The following KPNB1 variants were observed in gnomAD, a reference collection of about 807,000 sequenced individuals.
The protein encoded by KPNB1 is karyopherin subunit beta 1.
In KPNB1, 7 loss-of-function variants were observed where a neutral mutation model predicts 113.0. The observed-to-expected ratio is 0.06, with a 90% confidence interval of 0.04 to 0.12. The LOEUF (loss-of-function observed/expected upper bound fraction) is 0.12. Among genes scored for constraint, KPNB1 ranks in the 10% least tolerant of loss-of-function variants. KPNB1 has a pLI of 1.00. For missense variants in KPNB1, 400 were observed against 1,054.8 expected (o/e 0.38, Z 8.60); for synonymous variants, 363 against 378.6 (o/e 0.96, Z 0.48).
intron 10 of KPNB1, 68 bp from the exon 11 acceptor site, chr17:47,669,610 C>A: frequency 1.7e-6 from 2 of 1,191,422 alleles, no homozygotes; most frequent in Non-Finnish European, 1.2e-6. Flanking sequence ...GTATTTCTTT[C>A]TCTGGGGTAG....
chr17:47,680,160 C>A, intron 20 of KPNB1, 26 bp downstream of exon 20: 1 of 1,398,940 alleles, frequency 7.1e-7, no homozygotes, highest in Non-Finnish European at 1.0e-6. Context: ...CTTCTAAGAG[C>A]TGAATAGAAC....
intron 11 of KPNB1, chr17:47,670,176 G>A (rs2030405166): frequency 3.0e-6 from 1 of 328,806 alleles, no homozygotes; most frequent in Non-Finnish European, 5.8e-6. Context: ...AGAGTTTTTG[G>A]CTGTAAGAAG....
rs1436940918 is a variant in KPNB1, at chr17:47,669,681, A to G, written c.1228A>G (p.Met410Val). 1.9e-6 allele frequency: 3 copies of G among 1,591,514 alleles called. No individual in the cohort carries two copies. The highest frequency in any genetic ancestry group is 2.6e-6 in the Non-Finnish European group (3 of 1,160,776). The change falls in exon 11 of 22, where the codon ATG becomes GTG. Residue 410 changes from methionine to valine, a missense_variant. Coordinates refer to ENST00000290158, the MANE Select transcript of KPNB1 (RefSeq NM_002265.6). ...CTAATAACTGTTATATTTTCAGGCT[A>G]TGCCCACCCTAATAGAATTAATGAA... is the stretch of plus-strand genomic sequence containing the variant. Reference protein sequence around the residue: ...SQLKPLVIQAMPTLIELMKDP... With the variant: ...SQLKPLVIQAVPTLIELMKDP...
In KPNB1 at chr17:47,668,330, T is replaced by C; in HGVS notation, c.1144T>C (p.Tyr382His). ...KEHIKNPDWR[Y>H]RDAAVMAFGC... Reference sequence around the variant, plus strand: ...ACACATCAAGAACCCAGATTGGCGGTACCGGGATGCAGCAGTGATGGCTTT... The same window carrying C: ...ACACATCAAGAACCCAGATTGGCGGCACCGGGATGCAGCAGTGATGGCTTT... Residue 382 changes from tyrosine (Y) to histidine (H), a missense_variant, in exon 10 of 22, where the codon TAC becomes CAC. Transcript: ENST00000290158. 1 of 1,614,166 alleles carries C rather than the reference T, an allele frequency of 6.2e-7. No homozygotes were observed. Among genetic ancestry groups the C allele is most frequent in the East Asian group, 2.2e-5 (1 of 44,874 alleles).
At position 47,668,368 on chromosome 17, in the gene KPNB1, G is replaced by A. The variant is rs1438656220; in HGVS notation, c.1182G>A (p.Leu394=). 5 of 1,614,038 alleles carry A rather than the reference G, an allele frequency of 3.1e-6. No homozygotes were observed. Among genetic ancestry groups the A allele is most frequent in the Non-Finnish European group, 4.2e-6 (5 of 1,180,028 alleles). The part of the protein sequence containing the change: ...DAAVMAFGCI[L]EGPEPSQLKP... ...CAGTGATGGCTTTTGGTTGTATCTT[G>A]GAAGGACCAGAGCCCAGTCAGCTCA... The change falls in exon 10 of 22, where the codon TTG becomes TTA. Residue 394 remains leucine, a synonymous_variant. Coordinates refer to ENST00000290158, the MANE Select transcript of KPNB1 (RefSeq NM_002265.6).
At chr17:47,650,841 T>A (rs997111827) in intron 2 of KPNB1, among the ~76,000 whole-genome samples, 1 of 152,164 alleles carries the variant, frequency 6.6e-6, no homozygotes, top group Non-Finnish European at 1.5e-5. Flanking sequence ...CCGCCCGCCC[T>A]GTCTGACCCC....
intron 12 of KPNB1, among the ~76,000 whole-genome samples, chr17:47,672,438 G>A (rs2030479381): frequency 6.6e-6 from 1 of 151,472 alleles, no homozygotes; most frequent in South Asian, 2.1e-4. Context: ...CGGTCTTGTT[G>A]CTCAGGCTGG....
intron 4 of KPNB1, among the ~76,000 whole-genome samples, chr17:47,657,850 T>C (rs992137503): frequency 4.6e-5 from 7 of 152,344 alleles, no homozygotes; most frequent in East Asian, 1.9e-4. Flanking sequence ...TGCAGTGTTA[T>C]TCCCAAATGG....
intron 3 of KPNB1, among the ~76,000 whole-genome samples, chr17:47,653,834 C>T (rs1458337430): frequency 6.6e-6 from 1 of 152,160 alleles, no homozygotes; most frequent in Non-Finnish European, 1.5e-5. Flanking sequence ...GATAAGGAGC[C>T]GGGTTATTAA....
chr17:47,664,311 A>T (rs371599676), intron 8 of KPNB1, 42 bp downstream of exon 8: 10 of 1,264,032 alleles, frequency 7.9e-6, no homozygotes, highest in Middle Eastern at 1.8e-4. Flanking sequence ...GCTTTGGGAC[A>T]TATCTCATTT....
intron 9 of KPNB1, among the ~76,000 whole-genome samples, chr17:47,666,021 TCTCTC>T (rs2030255445): frequency 6.6e-6 from 1 of 152,126 alleles, no homozygotes; most frequent in Non-Finnish European, 1.5e-5. Context: ...TTAATTTTCA[TCTCTC>T]CTCTCAGGGT....
chr17:47,662,777 G>T (rs2143119504), intron 6 of KPNB1, among the ~76,000 whole-genome samples: 1 of 152,132 alleles, frequency 6.6e-6, no homozygotes, highest in South Asian at 2.1e-4. Flanking sequence ...CAGCTACTTG[G>T]AAGGCTGAGG....
At chr17:47,666,582 A>G (rs2030292263) in intron 9 of KPNB1, among the ~76,000 whole-genome samples, 1 of 143,688 alleles carries the variant, frequency 7.0e-6, no homozygotes, top group South Asian at 2.2e-4. Flanking sequence ...TTTTATATGT[A>G]CTACATATTA....
At chr17:47,680,706 T>C (rs1473371790) in intron 21 of KPNB1, 37 bp downstream of exon 21, 3 of 1,591,604 alleles carry the variant, frequency 1.9e-6, no homozygotes, top group Non-Finnish European at 2.6e-6. Context: ...TTCTTCTACT[T>C]CCTGGAGGAG....
chr17:47,681,197 G>A (rs1430908909), intron 21 of KPNB1, among the ~76,000 whole-genome samples: 3 of 150,468 alleles, frequency 2.0e-5, no homozygotes, highest in Non-Finnish European at 4.4e-5. Context: ...AGCCTCCCGA[G>A]TAGCTGGGAT....
At chr17:47,670,677 A>G in intron 11 of KPNB1, 25 bp from the exon 12 acceptor site, 2 of 1,583,666 alleles carry the variant, frequency 1.3e-6, no homozygotes, top group Admixed American at 1.7e-5. Flanking sequence ...TTTCAGGATT[A>G]ACATTGAACC....
chr17:47,675,856 G>A (rs2030600872), intron 15 of KPNB1, among the ~76,000 whole-genome samples: 2 of 152,062 alleles, frequency 1.3e-5, no homozygotes, highest in African/African-American at 4.8e-5. Flanking sequence ...ACCTATTTTT[G>A]GCATAAACAG....
In KPNB1 at chr17:47,649,942, C is replaced by T; in HGVS notation, c.-303C>T. ...CTCCCTCCCTGCGCGCCGCCTCTCACTCACAGCCTCCCTTCCTTCTTTCTC... is the reference window on the plus strand; with the variant it reads ...CTCCCTCCCTGCGCGCCGCCTCTCATTCACAGCCTCCCTTCCTTCTTTCTC... On this transcript the variant is annotated 5_prime_UTR_variant, in exon 1 of 22. Coordinates refer to ENST00000290158, the MANE Select transcript of KPNB1 (RefSeq NM_002265.6). The T allele has an allele frequency of 7.7e-7, 1 of 1,302,326 alleles. No individual in the cohort carries two copies. The highest frequency in any genetic ancestry group is 2.2e-5 in the South Asian group (1 of 45,524). 80.7% of individuals were successfully genotyped at this position (1,302,326 alleles called of 1,614,324 possible). A position where few individuals can be genotyped will look rare whatever the true frequency, so the allele number is the denominator to read the frequency against.
intron 6 of KPNB1, among the ~76,000 whole-genome samples, chr17:47,661,785 T>TA (rs921048327): frequency 2.3e-4 from 35 of 152,144 alleles, no homozygotes; most frequent in African/African-American, 8.2e-4. Flanking sequence ...CCATCTCTAC[T>TA]AAAAAATATG....
Sources: gnomAD v4.1 joint callset for allele counts (sites outside exome capture counted in the v4.1 genomes callset) on GRCh38, gnomAD v4.1.1 for gene constraint, MANE v1.5 for transcripts, NCBI Gene and HGNC (gene_info 2026-07-23, HGNC 2026-07-21) for gene names.